Variants in CLTC observed in about 807,000 individuals in gnomAD.
The protein encoded by CLTC is clathrin heavy chain.
CLTC carries 16 observed loss-of-function variants against 195.8 expected under a neutral mutation model. The observed-to-expected ratio is 0.08, with a 90% CI of 0.06 to 0.12. The LOEUF (loss-of-function observed/expected upper bound fraction) is 0.12, where lower values mean the gene tolerates loss of function less well. CLTC is among the 10% of genes least tolerant of loss of function. The pLI is 1.00. For synonymous variants in CLTC, 667 were observed against 689.4 expected (o/e 0.97, Z 0.51); for missense variants, 796 against 2,027.0 (o/e 0.39, Z 11.66).
At position 59,674,407 on chromosome 17, in the gene CLTC, G is replaced by A. The variant is rs183844116; in HGVS notation, c.2419-294G>A. Among the ~76,000 whole-genome samples the A allele has an allele frequency of 1.1e-4, 16 of 152,026 alleles. No individual in the cohort carries two copies. In the East Asian group the frequency reaches 3.1e-3, roughly 29 times the overall value. On this transcript the variant is annotated intron_variant, in intron 15 of 31. Transcript: ENST00000269122. ...GTCATCTTTGACTGTATCTTCTTTG[G>A]ACTTATTTATCATATGGAACAATGT...
chr17:59,678,121 A>C (rs185248962), intron 17 of CLTC, among the ~76,000 whole-genome samples: 1 of 152,286 alleles, frequency 6.6e-6, no homozygotes, highest in African/African-American at 2.4e-5. Flanking sequence ...AGTTCCTCTG[A>C]TGGTTCCCGA....
At chr17:59,661,128 T>C (rs1293717697) in intron 7 of CLTC, among the ~76,000 whole-genome samples, 1 of 152,212 alleles carries the variant, frequency 6.6e-6, no homozygotes, top group African/African-American at 2.4e-5. Context: ...ATAACTATTC[T>C]CTTACACACT....
chr17:59,650,872 TC>T lies in CLTC; in HGVS notation c.682-326del, dbSNP rs2032311836. 3.3e-5 allele frequency among the ~76,000 whole-genome samples: 5 copies of T among 152,178 alleles called. No homozygotes were observed. The South Asian group carries it at 1.0e-3, about 32-fold the overall frequency. ...CTTATGACTGTAGCGTCACACCCAC[TC>T]CCCCTCTCTCACACCATCCCTAGCT... On this transcript the variant is annotated intron_variant, in intron 4 of 31. Transcript: ENST00000269122.
Position 59,693,969 on chromosome 17 carries a change from A to AGG in CLTC, c.*118_*119dup. 9.0e-6 allele frequency: 10 copies of AGG among 1,106,098 alleles called. No homozygotes were observed. The highest frequency in any genetic ancestry group is 1.2e-5 in the Non-Finnish European group (10 of 823,828). 68.5% of individuals were successfully genotyped at this position (1,106,098 alleles called of 1,614,324 possible). A position where few individuals can be genotyped will look rare whatever the true frequency, so the allele number is the denominator to read the frequency against. On this transcript the variant is annotated 3_prime_UTR_variant, in exon 32 of 32. Transcript: ENST00000269122. ...TGTTCTTGTAACCTTTATTTCATGA[A>AGG]GGACTTCTTTTTGTTTCTAACTATA...
At chr17:59,662,025 C>T (rs951459585) in intron 8 of CLTC, among the ~76,000 whole-genome samples, 14 of 151,804 alleles carry the variant, frequency 9.2e-5, no homozygotes, top group African/African-American at 2.9e-4. Context: ...ATCACTTGAA[C>T]CCGGGAGGTA....
intron 2 of CLTC, among the ~76,000 whole-genome samples, chr17:59,645,503 C>T (rs755504677): frequency 6.6e-6 from 1 of 151,976 alleles, no homozygotes; most frequent in Admixed American, 6.6e-5. Context: ...TAAGAGGGCT[C>T]GGTGACAAAC....
intron 1 of CLTC, among the ~76,000 whole-genome samples, chr17:59,631,073 G>A (rs552042221): frequency 2.0e-5 from 3 of 152,346 alleles, no homozygotes; most frequent in African/African-American, 7.2e-5. Flanking sequence ...TTTTTGGGGT[G>A]TTGGGATGAT....
At chr17:59,671,481 T>A (rs935912407) in intron 14 of CLTC, among the ~76,000 whole-genome samples, 4 of 152,148 alleles carry the variant, frequency 2.6e-5, no homozygotes, top group African/African-American at 9.7e-5. Context: ...GCCAATTGTG[T>A]GTTAGCCACC....
intron 30 of CLTC, chr17:59,687,012 A>G (rs1455278885): frequency 2.0e-6 from 2 of 988,744 alleles, no homozygotes; most frequent in Non-Finnish European, 2.4e-6. Context: ...TTGATGCAAT[A>G]AAGGAAAAGG....
In CLTC at chr17:59,668,227, A is replaced by G. The variant is rs553715199; in HGVS notation, c.2129-550A>G. Among the ~76,000 whole-genome samples, 15 of 152,328 alleles carry G rather than the reference A, an allele frequency of 9.8e-5. No homozygotes were observed. In the South Asian group the frequency reaches 2.9e-3, roughly 29 times the overall value. The stretch of plus-strand genomic sequence containing the variant: ...TTTGTATGTTTCCTATAAATTGCAT[A>G]TTGAAAAACACCAGGTATTGGGGTC... On this transcript the variant is annotated intron_variant, in intron 13 of 31. Transcript: ENST00000269122.
At chr17:59,639,719 C>G (rs2031973660) in intron 1 of CLTC, among the ~76,000 whole-genome samples, 1 of 151,652 alleles carries the variant, frequency 6.6e-6, no homozygotes, top group Non-Finnish European at 1.5e-5. Context: ...CCTGTAATCC[C>G]AACACTGGGA....
chr17:59,636,434 A>G (rs1419118065), intron 1 of CLTC, among the ~76,000 whole-genome samples: 1 of 152,160 alleles, frequency 6.6e-6, no homozygotes, highest in Non-Finnish European at 1.5e-5. Flanking sequence ...TCTGAGTCTC[A>G]TTGCTGATGT....
chr17:59,624,458 T>A (rs2031482469), intron 1 of CLTC, among the ~76,000 whole-genome samples: 1 of 129,812 alleles, frequency 7.7e-6, no homozygotes, highest in Non-Finnish European at 1.6e-5. Context: ...CACATACTTT[T>A]TTTTTTTTTT....
At chr17:59,658,200 C>A (rs1294771973) in intron 6 of CLTC, among the ~76,000 whole-genome samples, 2 of 151,676 alleles carry the variant, frequency 1.3e-5, no homozygotes, top group Admixed American at 6.6e-5. Flanking sequence ...GAGACTCCGT[C>A]TCAAAAAAAA....
chr17:59,694,166 T>C lies in CLTC; in HGVS notation c.*314T>C, dbSNP rs886716142. 6.7e-5 allele frequency: 16 copies of C among 240,370 alleles called. No individual in the cohort carries two copies. Among genetic ancestry groups the C allele is most frequent in the Admixed American group, 1.1e-4 (2 of 18,182 alleles). 14.9% of individuals were successfully genotyped at this position (240,370 alleles called of 1,614,324 possible). On this transcript the variant is annotated 3_prime_UTR_variant, in exon 32 of 32. Transcript: ENST00000269122. ...GTTGTGAAGAACCTGATTTGCACTC[T>C]GTAGTGTTTAAAGAAACAAAGAAAC...
intron 1 of CLTC, among the ~76,000 whole-genome samples, chr17:59,637,493 C>T (rs1598206746): frequency 6.6e-6 from 1 of 150,708 alleles, no homozygotes; most frequent in East Asian, 2.0e-4. Context: ...ATCCGCCCGC[C>T]TCGGCCTCCC....
In CLTC at chr17:59,695,252, A is replaced by T. The variant is rs2033393520; in HGVS notation, c.*1400A>T. ...CTAAAGTTCATTTCACTATCCCTTA[A>T]TCCTCAATAGCTACACATACCCCCT... On this transcript the variant is annotated 3_prime_UTR_variant, in exon 32 of 32. Coordinates refer to ENST00000269122, the MANE Select transcript of CLTC (RefSeq NM_004859.4). 2 of 195,574 alleles carry T rather than the reference A, an allele frequency of 1.0e-5. No individual in the cohort carries two copies. Among genetic ancestry groups the T allele is most frequent in the Middle Eastern group, 3.5e-3 (2 of 564 alleles). The allele number at this position is 195,574 out of a possible 1,614,324, so 12.1% of individuals were successfully genotyped here.
chr17:59,658,329 C>T (rs368789071), intron 6 of CLTC, among the ~76,000 whole-genome samples: 10 of 152,322 alleles, frequency 6.6e-5, no homozygotes, highest in South Asian at 2.1e-4. Flanking sequence ...TGAGCCACCA[C>T]GCCTCGCCAC....
chr17:59,620,776 A>G (rs2031349176), intron 1 of CLTC, among the ~76,000 whole-genome samples: 1 of 152,198 alleles, frequency 6.6e-6, no homozygotes, highest in Non-Finnish European at 1.5e-5. Context: ...ACAGAAGGTC[A>G]CTGAAAGAAC....
Sources: gnomAD v4.1 joint callset for allele counts (sites outside exome capture counted in the v4.1 genomes callset) on GRCh38, gnomAD v4.1.1 for gene constraint, MANE v1.5 for transcripts, NCBI Gene and HGNC (gene_info 2026-07-23, HGNC 2026-07-21) for gene names.